RAP1GAP2: variants seen among roughly 807,000 people sequenced by gnomAD.
The protein encoded by RAP1GAP2 is RAP1 GTPase activating protein 2, also known as rap1 GTPase-activating protein 2.
In RAP1GAP2, 27 loss-of-function variants were observed where a neutral mutation model predicts 95.0. That is an observed-to-expected ratio of 0.28 (90% confidence interval 0.21 to 0.39). RAP1GAP2 has a LOEUF of 0.39. Among genes scored for constraint, RAP1GAP2 ranks in the 10% least tolerant of loss-of-function variants. The pLI, the probability that RAP1GAP2 is intolerant of heterozygous loss-of-function variation, is 1.00. For missense variants in RAP1GAP2, 771 were observed against 970.0 expected (o/e 0.79, Z 2.72); for synonymous variants, 373 against 380.9 (o/e 0.98, Z 0.24).
chr17:3,034,563 C>A lies in RAP1GAP2; in HGVS notation c.*1202C>A, dbSNP rs560269495. 4.0e-4 allele frequency: 63 copies of A among 156,260 alleles called. No homozygotes were observed. The highest frequency in any genetic ancestry group is 1.1e-3 in the African/African-American group (46 of 41,646). The allele number at this position is 156,260 out of a possible 1,614,324, so 9.7% of individuals were successfully genotyped here. A position where few individuals can be genotyped will look rare whatever the true frequency, so the allele number is the denominator to read the frequency against. On this transcript the variant is annotated 3_prime_UTR_variant, in exon 25 of 25. Coordinates refer to ENST00000254695, the MANE Select transcript of RAP1GAP2 (RefSeq NM_015085.5). The surrounding 1 kb of genome is among the most constrained non-coding windows in gnomAD (Gnocchi z 5.1). ...GGGCAGCTGCGTCTGGGGCTCAACC[C>A]CCCAATCCTGTTCCCCTCTCCAGCT...
chr17:2,764,874 GT>G (rs1355278857), intron 1 of RAP1GAP2, among the ~76,000 whole-genome samples: 3 of 152,178 alleles, frequency 2.0e-5, no homozygotes, highest in African/African-American at 7.2e-5. Flanking sequence ...AGGCAACCAG[GT>G]TTACCAGTTC....
intron 3 of RAP1GAP2, among the ~76,000 whole-genome samples, chr17:2,913,103 A>G (rs1282790438): frequency 6.6e-6 from 1 of 152,144 alleles, no homozygotes; most frequent in Admixed American, 6.5e-5. Flanking sequence ...GATTGAGCCC[A>G]GGAGATTGAG....
chr17:2,792,203 C>T (rs1288068509), upstream of RAP1GAP2, among the ~76,000 whole-genome samples: 1 of 152,198 alleles, frequency 6.6e-6, no homozygotes, highest in Non-Finnish European at 1.5e-5. Flanking sequence ...AGGGAGCCCA[C>T]AGTCTCCTTG....
At chr17:2,937,866 A>C (rs1042704454) in intron 3 of RAP1GAP2, among the ~76,000 whole-genome samples, 2 of 152,086 alleles carry the variant, frequency 1.3e-5, no homozygotes, top group East Asian at 1.9e-4. Context: ...ACCTGTGCCA[A>C]GGTCTTCTCT....
At chr17:2,822,121 C>T (rs2070331352) in intron 2 of RAP1GAP2, among the ~76,000 whole-genome samples, 1 of 152,146 alleles carries the variant, frequency 6.6e-6, no homozygotes, top group South Asian at 2.1e-4. Context: ...GTTGCCCAAT[C>T]CCATGGTCAG....
At chr17:2,948,422 G>A (rs2043788179) in intron 3 of RAP1GAP2, among the ~76,000 whole-genome samples, 1 of 152,260 alleles carries the variant, frequency 6.6e-6, no homozygotes. Flanking sequence ...TTGCAGGGGC[G>A]AGGGTCTCAT....
chr17:3,013,632 CTTTTTTTTT>C (rs998163717), intron 17 of RAP1GAP2, among the ~76,000 whole-genome samples: 3 of 78,878 alleles, frequency 3.8e-5, no homozygotes, highest in Non-Finnish European at 6.6e-5. Flanking sequence ...CTTTTCTTTT[CTTTTTTTTT>C]TTTTTTTTTT....
chr17:3,012,332 G>A (rs576677166), intron 17 of RAP1GAP2, among the ~76,000 whole-genome samples: 1 of 151,632 alleles, frequency 6.6e-6, no homozygotes, highest in East Asian at 1.9e-4. Context: ...AAGACTGAAC[G>A]TTTGGCTGGG....
Position 3,008,200 on chromosome 17 carries a change from G to T in RAP1GAP2, c.1494+55G>T. 2 of 1,608,280 alleles carry T rather than the reference G, an allele frequency of 1.2e-6. No homozygotes were observed. Among genetic ancestry groups the T allele is most frequent in the Non-Finnish European group, 1.7e-6 (2 of 1,176,390 alleles). On this transcript the variant is annotated intron_variant, in intron 17 of 24. Coordinates refer to ENST00000254695, the MANE Select transcript of RAP1GAP2 (RefSeq NM_015085.5). This position sits in a 1 kb window ranked among gnomAD's most constrained non-coding sequence, Gnocchi z 4.2. ...TGTGGGGTTGGGATTGGGGAAGAAAGGAAGTGGTCCAAGGTCCATGGGATA... is the reference window on the plus strand; with the variant it reads ...TGTGGGGTTGGGATTGGGGAAGAAATGAAGTGGTCCAAGGTCCATGGGATA...
chr17:2,864,198 G>A (rs1288778311), intron 2 of RAP1GAP2, among the ~76,000 whole-genome samples: 6 of 152,182 alleles, frequency 3.9e-5, no homozygotes, highest in Non-Finnish European at 8.8e-5. Context: ...GCGGAGGTGG[G>A]GAGTGGGCCC....
chr17:2,797,706 A>G lies in RAP1GAP2; in HGVS notation c.44+1135A>G. The G allele has an allele frequency of 1.0e-6, 1 of 985,324 alleles. No homozygotes were observed. The allele number at this position is 985,324 out of a possible 1,614,324, so 61.0% of individuals were successfully genotyped here. On this transcript the variant is annotated intron_variant, in intron 1 of 24. Transcript: ENST00000254695. The surrounding 1 kb of genome is among the most constrained non-coding windows in gnomAD (Gnocchi z 5.6). ...TTTGGCAGATGGGATGGTGCGGATGAGAAGATGGCACAGCGTCGCCTGTGT... is the reference window on the plus strand; with the variant it reads ...TTTGGCAGATGGGATGGTGCGGATGGGAAGATGGCACAGCGTCGCCTGTGT...
intron 14 of RAP1GAP2, among the ~76,000 whole-genome samples, chr17:2,999,945 A>ATTTTC (rs1254297333): frequency 1.3e-5 from 2 of 151,846 alleles, no homozygotes; most frequent in East Asian, 3.9e-4. Context: ...GTGAGCATTT[A>ATTTTC]TTTTCTTTTC....
rs2070622611 is a variant in RAP1GAP2, at chr17:2,827,487, G to T, written c.80+26937G>T. Among the ~76,000 whole-genome samples the T allele has an allele frequency of 1.3e-5, 2 of 152,240 alleles. No homozygotes were observed. The highest frequency in any genetic ancestry group is 4.1e-4 in the South Asian group (2 of 4,822). On this transcript the variant is annotated intron_variant, in intron 2 of 24. Coordinates refer to ENST00000254695, the MANE Select transcript of RAP1GAP2 (RefSeq NM_015085.5). The surrounding 1 kb of genome is among the most constrained non-coding windows in gnomAD (Gnocchi z 4.1). Reference sequence around the variant, plus strand: ...CTGGGGGAAGGGGCTACCCTGGGTGGGTGGTCAGGAAGAGCCTCTCCATAG... The same window carrying T: ...CTGGGGGAAGGGGCTACCCTGGGTGTGTGGTCAGGAAGAGCCTCTCCATAG...
In RAP1GAP2 at chr17:2,931,121, C is replaced by CAA. The variant is rs67067799; in HGVS notation, c.165+25775_165+25776dup. On this transcript the variant is annotated intron_variant, in intron 3 of 24. Coordinates refer to ENST00000254695, the MANE Select transcript of RAP1GAP2 (RefSeq NM_015085.5). ...TGGGTGACAGAGCGAGACTCCATCT[C>CAA]AAAAAAAAAAAAAAAAAAAAAAAGA... Among the ~76,000 whole-genome samples, 221 of 66,648 alleles carry CAA rather than the reference C, an allele frequency of 3.3e-3. 1 individual carries two copies. The highest frequency in any genetic ancestry group is 5.6e-3 in the African/African-American group (98 of 17,468). 43.7% of individuals were successfully genotyped at this position (66,648 alleles called of 152,430 possible). A position where few individuals can be genotyped will look rare whatever the true frequency, so the allele number is the denominator to read the frequency against.
chr17:2,954,650 A>G (rs988062037), intron 3 of RAP1GAP2, among the ~76,000 whole-genome samples: 8 of 151,548 alleles, frequency 5.3e-5, no homozygotes, highest in South Asian at 2.1e-4. Flanking sequence ...CTGGAGTGCA[A>G]TGGTGCGATC....
At chr17:2,878,223 C>G (rs1259732340) in intron 2 of RAP1GAP2, among the ~76,000 whole-genome samples, 1 of 151,990 alleles carries the variant, frequency 6.6e-6, no homozygotes, top group South Asian at 2.1e-4. Flanking sequence ...GTCAGGAACA[C>G]ATTGTGCCTT....
In RAP1GAP2 at chr17:3,032,467, C is replaced by G; in HGVS notation, c.*30+18C>G. 6.2e-7 allele frequency: 1 copy of G among 1,609,454 alleles called. No individual in the cohort carries two copies. The highest frequency in any genetic ancestry group is 8.5e-7 in the Non-Finnish European group (1 of 1,175,846). On this transcript the variant is annotated intron_variant, in intron 24 of 24. Transcript: ENST00000254695. ...TGTCCAAGGTGGGTTGAGTGAATGT[C>G]CTGCTGTGGCCGTGAGGGGGGACGT...
intron 3 of RAP1GAP2, among the ~76,000 whole-genome samples, chr17:2,923,773 A>T (rs2042868428): frequency 6.6e-6 from 1 of 152,228 alleles, no homozygotes; most frequent in African/African-American, 2.4e-5. Flanking sequence ...CAGAGAAAAT[A>T]AAAAAATGAA....
chr17:2,950,728 A>G (rs1221250833), intron 3 of RAP1GAP2, among the ~76,000 whole-genome samples: 1 of 147,776 alleles, frequency 6.8e-6, no homozygotes, highest in Non-Finnish European at 1.5e-5. Flanking sequence ...CTCCTGCCTC[A>G]GCCTCCCAAA....
Sources: allele counts gnomAD v4.1 joint callset (sites outside exome capture counted in the v4.1 genomes callset), GRCh38; gene constraint gnomAD v4.1.1; non-coding constraint Gnocchi (gnomAD v3.1); transcripts MANE v1.5; gene names NCBI Gene and HGNC (gene_info 2026-07-23, HGNC 2026-07-21).